The following SDC1 variants were observed in gnomAD, a reference collection of about 807,000 sequenced individuals.
SDC1 encodes syndecan 1, also known as syndecan-1.
Under a neutral mutation model 29.7 loss-of-function variants are expected in SDC1, and 14 were observed. That is an observed-to-expected ratio of 0.47 (90% CI 0.31 to 0.74). SDC1 has a LOEUF of 0.74. SDC1 is among the 30% of genes least tolerant of loss of function. The pLI is 0.05. For missense variants in SDC1, 406 were observed against 400.3 expected (o/e 1.01, Z -0.12); for synonymous variants, 204 against 175.5 (o/e 1.16, Z -1.29).
intron 1 of SDC1, chr2:20,208,116 C>T: frequency 1.0e-6 from 1 of 985,454 alleles, no homozygotes; most frequent in Non-Finnish European, 1.2e-6. Flanking sequence ...ATCCATGCTC[C>T]ATTCAACAAT....
rs1677060563 is a variant in SDC1 at position 20,202,684 on chromosome 2, G to A, written c.*82C>T. ...GGGGAGGTGGCCTGGTGGCAGGGGA[G>A]GCCAGGGCCTGCAGTTCTTCAAGGA... On this transcript the variant is annotated 3_prime_UTR_variant, in exon 5 of 5. Transcript: ENST00000254351. 12 of 1,382,604 alleles carry A rather than the reference G, an allele frequency of 8.7e-6. No homozygotes were observed. The highest frequency in any genetic ancestry group is 2.3e-5 in the East Asian group (1 of 42,878). 85.6% of individuals were successfully genotyped at this position (1,382,604 alleles called of 1,614,324 possible). A position where few individuals can be genotyped will look rare whatever the true frequency, so the allele number is the denominator to read the frequency against.
intron 1 of SDC1, among the ~76,000 whole-genome samples, chr2:20,215,020 A>G: frequency 6.6e-6 from 1 of 152,228 alleles, no homozygotes; most frequent in East Asian, 1.9e-4. Flanking sequence ...CAGCCACTGA[A>G]GCCAGCAGTC....
chr2:20,217,058 C>A (rs1349036774), intron 1 of SDC1, among the ~76,000 whole-genome samples: 2 of 152,172 alleles, frequency 1.3e-5, no homozygotes, highest in Non-Finnish European at 2.9e-5. Context: ...TCAGGGAGAC[C>A]CCCTGCCCTG....
rs1275729098 is a variant in SDC1 at position 20,203,863 on chromosome 2, C to T, written c.577G>A (p.Glu193Lys). The part of the protein sequence containing the change: ...GGPSATERAA[E>K]DGASSQLPAA... ...GGGAGCTGACTGGAGGCTCCATCCTCAGCAGCCCTCTCGGTGGCAGAAGGA... is the reference window on the plus strand; with the variant it reads ...GGGAGCTGACTGGAGGCTCCATCCTTAGCAGCCCTCTCGGTGGCAGAAGGA... Residue 193 changes from glutamate to lysine, a missense_variant, in exon 3 of 5, where the codon GAG becomes AAG. By Grantham distance (56) the Glu-to-Lys change is moderately conservative. Transcript: ENST00000254351. 1.9e-6 allele frequency: 3 copies of T among 1,610,014 alleles called. No homozygotes were observed. The highest frequency in any genetic ancestry group is 2.2e-5 in the East Asian group (1 of 44,868).
intron 1 of SDC1, among the ~76,000 whole-genome samples, chr2:20,213,330 C>T (rs887588719): frequency 2.5e-4 from 38 of 152,340 alleles, no homozygotes; most frequent in African/African-American, 8.9e-4. Flanking sequence ...TCCAGGCAGG[C>T]GATGAGCAAA....
Position 20,207,831 on chromosome 2 carries a change from T to C in SDC1, c.67-2407A>G, listed in dbSNP as rs368487987. On this transcript the variant is annotated intron_variant, in intron 1 of 4. Transcript: ENST00000254351. The stretch of plus-strand genomic sequence containing the variant: ...CACCTGTGCTGCCTTCCCAGAGCTC[T>C]GAAGCTGCCCTGGCCTCCCTCAACC... 1.8e-5 allele frequency: 9 copies of C among 506,882 alleles called. No individual in the cohort carries two copies. The East Asian group carries it at 9.0e-4, about 50-fold the overall frequency. The allele number at this position is 506,882 out of a possible 1,614,324, so 31.4% of individuals were successfully genotyped here. A position where few individuals can be genotyped will look rare whatever the true frequency, so the allele number is the denominator to read the frequency against.
At chr2:20,222,818 C>T (rs768828364) in intron 1 of SDC1, among the ~76,000 whole-genome samples, 1 of 152,186 alleles carries the variant, frequency 6.6e-6, no homozygotes, top group Non-Finnish European at 1.5e-5. Flanking sequence ...TCTGCTTTAC[C>T]CCAGGCAGGC....
At chr2:20,212,324 A>T (rs989740865) in intron 1 of SDC1, among the ~76,000 whole-genome samples, 3 of 152,200 alleles carry the variant, frequency 2.0e-5, no homozygotes, top group African/African-American at 7.2e-5. Flanking sequence ...CCATCTGTAC[A>T]ACGGAGGTTT....
In SDC1 at chr2:20,209,099, G is replaced by A. The variant is rs1677379831; in HGVS notation, c.67-3675C>T. 2.0e-5 allele frequency among the ~76,000 whole-genome samples: 3 copies of A among 152,172 alleles called. No individual in the cohort carries two copies. In the South Asian group the frequency reaches 6.2e-4, roughly 32 times the overall value. On this transcript the variant is annotated intron_variant, in intron 1 of 4. Transcript: ENST00000254351. ...GCCCATCTCCATCTCAGCCATGCTGGTCTCCTGGCCATACCCTGGGGACCC... is the reference window on the plus strand; with the variant it reads ...GCCCATCTCCATCTCAGCCATGCTGATCTCCTGGCCATACCCTGGGGACCC...
At chr2:20,220,970 C>T (rs1370844548) in intron 1 of SDC1, among the ~76,000 whole-genome samples, 2 of 152,194 alleles carry the variant, frequency 1.3e-5, no homozygotes, top group Admixed American at 6.5e-5. Context: ...AAGTCACTTA[C>T]AAGTCAAACC....
chr2:20,202,215 C>T lies in SDC1; in HGVS notation c.*551G>A. 1 of 765,012 alleles carries T rather than the reference C, an allele frequency of 1.3e-6. No homozygotes were observed. Among genetic ancestry groups the T allele is most frequent in the Admixed American group, 1.8e-5 (1 of 56,952 alleles). The allele number at this position is 765,012 out of a possible 1,614,324, so 47.4% of individuals were successfully genotyped here. A position where few individuals can be genotyped will look rare whatever the true frequency, so the allele number is the denominator to read the frequency against. On this transcript the variant is annotated 3_prime_UTR_variant, in exon 5 of 5. Coordinates refer to ENST00000254351, the MANE Select transcript of SDC1 (RefSeq NM_002997.5). The stretch of plus-strand genomic sequence containing the variant: ...TAACTTACCTCAGAAGTAACAAGGT[C>T]TACTGGGCTATGAACAAAGAACTAG...
At chr2:20,203,703 T>C (rs1677126915) in intron 3 of SDC1, 110 bp downstream of exon 3, 2 of 845,850 alleles carry the variant, frequency 2.4e-6, no homozygotes, top group Admixed American at 2.4e-5. Context: ...GTGCCCTGTC[T>C]TCCTGGTGAG....
intron 1 of SDC1, chr2:20,207,852 C>T: frequency 1.3e-6 from 1 of 773,996 alleles, no homozygotes; most frequent in Non-Finnish European, 1.6e-6. Context: ...TGGCCTCCCT[C>T]AACCTGTCTC....
chr2:20,210,224 CCAGCTACT>C (rs1397721010), intron 1 of SDC1, among the ~76,000 whole-genome samples: 1 of 152,142 alleles, frequency 6.6e-6, no homozygotes, highest in Non-Finnish European at 1.5e-5. Flanking sequence ...ACCTGTACTC[CCAGCTACT>C]TGGGAGGCTG....
At chr2:20,213,905 C>G (rs933160927) in intron 1 of SDC1, among the ~76,000 whole-genome samples, 1 of 152,218 alleles carries the variant, frequency 6.6e-6, no homozygotes, top group South Asian at 2.1e-4. Context: ...GGGAGGGGAA[C>G]AAGCTCCAAC....
At chr2:20,211,477 C>T (rs1677462823) in intron 1 of SDC1, among the ~76,000 whole-genome samples, 1 of 152,276 alleles carries the variant, frequency 6.6e-6, no homozygotes, top group Non-Finnish European at 1.5e-5. Flanking sequence ...TAGCACACCA[C>T]GGTGGCAGCC....
At chr2:20,206,826 C>T (rs1677286230) in intron 1 of SDC1, among the ~76,000 whole-genome samples, 2 of 152,240 alleles carry the variant, frequency 1.3e-5, no homozygotes, top group Admixed American at 6.5e-5. Flanking sequence ...GAAGCTATGC[C>T]TAACACAGCC....
At chr2:20,217,828 G>C (rs1218318992) in intron 1 of SDC1, among the ~76,000 whole-genome samples, 2 of 152,120 alleles carry the variant, frequency 1.3e-5, no homozygotes, top group East Asian at 3.9e-4. Context: ...CTGCTGAGCG[G>C]ACCTCGGGCA....
At chr2:20,223,119 T>C (rs1677872750) in intron 1 of SDC1, 5 of 540,320 alleles carry the variant, frequency 9.3e-6, no homozygotes, top group South Asian at 7.0e-5. Flanking sequence ...TGCTCCCAGA[T>C]ACCCCTCACA....
Sources: allele counts gnomAD v4.1 joint callset (sites outside exome capture counted in the v4.1 genomes callset), GRCh38; gene constraint gnomAD v4.1.1; transcripts MANE v1.5; gene names NCBI Gene and HGNC (gene_info 2026-07-23, HGNC 2026-07-21).